The following PTPRU variants were observed in gnomAD, a reference collection of about 807,000 sequenced individuals.
PTPRU encodes the protein protein tyrosine phosphatase receptor type U.
PTPRU carries 69 observed loss-of-function variants against 166.3 expected under a neutral mutation model. The observed-to-expected ratio is 0.41, with a 90% CI of 0.34 to 0.51. PTPRU has a LOEUF of 0.51. Among genes scored for constraint, PTPRU ranks in the 20% least tolerant of loss-of-function variants. PTPRU has a pLI of 0.09. For synonymous variants in PTPRU, 793 were observed against 814.0 expected (o/e 0.97, Z 0.44); for missense variants, 1,657 against 2,013.7 (o/e 0.82, Z 3.39).
intron 13 of PTPRU, 127 bp from the exon 14 acceptor site, chr1:29,284,604 G>A: frequency 7.5e-7 from 1 of 1,325,452 alleles, no homozygotes. Flanking sequence ...TCAAAAGGCA[G>A]GACACACATT....
rs5773239 is a variant in PTPRU at position 29,257,966 on chromosome 1, A to ATT, written c.206-530_206-529dup. 3.7e-4 allele frequency among the ~76,000 whole-genome samples: 56 copies of ATT among 150,368 alleles called. No homozygotes were observed. Among genetic ancestry groups the ATT allele is most frequent in the Middle Eastern group, 3.4e-3 (1 of 292 alleles). ...GACCTGTAGATTGTAAGGAGCCATA[A>ATT]TTTTTTTTTTCTTTTTGAGACCGAG... On this transcript the variant is annotated intron_variant, in intron 2 of 29. Coordinates refer to ENST00000373779, the MANE Select transcript of PTPRU (RefSeq NM_133178.4). The surrounding 1 kb of genome is among the most constrained non-coding windows in gnomAD (Gnocchi z 4.6).
intron 7 of PTPRU, among the ~76,000 whole-genome samples, chr1:29,273,558 C>G (rs1232784340): frequency 3.3e-5 from 5 of 152,066 alleles, no homozygotes; most frequent in Non-Finnish European, 5.9e-5. Context: ...TGTGAGCCAC[C>G]ACGCCTGGCC....
intron 7 of PTPRU, among the ~76,000 whole-genome samples, chr1:29,267,085 C>A (rs1449727328): frequency 3.0e-4 from 46 of 152,108 alleles, no homozygotes; most frequent in Admixed American, 2.9e-3. Flanking sequence ...CAATAATTAG[C>A]TGAATGTGGT....
intron 15 of PTPRU, among the ~76,000 whole-genome samples, chr1:29,301,058 G>A (rs1041107567): frequency 1.3e-5 from 2 of 152,130 alleles, no homozygotes; most frequent in African/African-American, 4.8e-5. Context: ...CACAGGGAGT[G>A]GGGGCAGGTT....
At chr1:29,240,236 G>T (rs1683982025) in intron 1 of PTPRU, among the ~76,000 whole-genome samples, 1 of 152,264 alleles carries the variant, frequency 6.6e-6, no homozygotes, top group South Asian at 2.1e-4. Context: ...AAGTCGGGGG[G>T]TGGGGGTCAA....
At chr1:29,289,884 C>T (rs1686544024) in intron 14 of PTPRU, among the ~76,000 whole-genome samples, 2 of 152,140 alleles carry the variant, frequency 1.3e-5, no homozygotes, top group Non-Finnish European at 2.9e-5. Context: ...CTGTCCTTCC[C>T]CTCTGCATCT....
Position 29,279,404 on chromosome 1 carries a change from CA to C in PTPRU, c.1564-51del. On this transcript the variant is annotated intron_variant, in intron 9 of 29. Coordinates refer to ENST00000373779, the MANE Select transcript of PTPRU (RefSeq NM_133178.4). This position sits in a 1 kb window ranked among gnomAD's most constrained non-coding sequence, Gnocchi z 5.2. ...GACATGGTGGGTGGAGGCTGCTGGT[CA>C]GGGATGCTCTGACCATCCAGTGCCC... 6.5e-7 allele frequency: 1 copy of C among 1,549,342 alleles called. No individual in the cohort carries two copies. The highest frequency in any genetic ancestry group is 1.7e-5 in the Admixed American group (1 of 59,896).
chr1:29,283,357 A>G (rs1296397839), intron 12 of PTPRU, among the ~76,000 whole-genome samples: 1 of 69,684 alleles, frequency 1.4e-5, no homozygotes, highest in Admixed American at 1.9e-4. Flanking sequence ...TCCCATAGCC[A>G]GCCCTCCTGA....
intron 14 of PTPRU, among the ~76,000 whole-genome samples, chr1:29,289,444 C>T (rs1434320799): frequency 1.3e-5 from 2 of 152,220 alleles, no homozygotes; most frequent in East Asian, 1.9e-4. Flanking sequence ...GTCCTTTTCC[C>T]ACCTCCTCCT....
intron 5 of PTPRU, 51 bp from the exon 6 acceptor site, chr1:29,259,818 CG>C (rs2151945222): frequency 6.8e-7 from 1 of 1,479,036 alleles, no homozygotes; most frequent in East Asian, 2.5e-5. Context: ...AGAGCGAGAT[CG>C]GGACCCCTCG....
chr1:29,237,409 T>G lies in PTPRU; in HGVS notation c.73+692T>G, dbSNP rs1478017814. On this transcript the variant is annotated intron_variant, in intron 1 of 29. Transcript: ENST00000373779. The surrounding 1 kb of genome is among the most constrained non-coding windows in gnomAD (Gnocchi z 6.4). ...CCGGGAATGCGTGTGTGGGAGCGAGTCTGGAACGGATGTGAGTGTGTGCGA... is the reference window on the plus strand; with the variant it reads ...CCGGGAATGCGTGTGTGGGAGCGAGGCTGGAACGGATGTGAGTGTGTGCGA... Among the ~76,000 whole-genome samples, 1 of 151,638 alleles carries G rather than the reference T, an allele frequency of 6.6e-6. No homozygotes were observed. Among genetic ancestry groups the G allele is most frequent in the Non-Finnish European group, 1.5e-5 (1 of 67,906 alleles).
At chr1:29,313,021 GCTTT>G (rs1374992564) in intron 22 of PTPRU, among the ~76,000 whole-genome samples, 1 of 152,198 alleles carries the variant, frequency 6.6e-6, no homozygotes, top group African/African-American at 2.4e-5. Context: ...TCAGTAAGCA[GCTTT>G]TTGTTGCACA....
intron 18 of PTPRU, among the ~76,000 whole-genome samples, chr1:29,309,914 G>A (rs960138968): frequency 2.0e-5 from 3 of 152,272 alleles, no homozygotes; most frequent in East Asian, 1.9e-4. Context: ...TCCCCTTTCC[G>A]CATTGCCCGC....
At position 29,317,771 on chromosome 1, in the gene PTPRU, G is replaced by T. The variant is rs369271634; in HGVS notation, c.3537G>T (p.Pro1179=). 6.2e-6 allele frequency: 10 copies of T among 1,610,914 alleles called. No homozygotes were observed. The South Asian group carries it at 8.8e-5, about 14-fold the overall frequency. The change falls in exon 25 of 30, where the codon CCG becomes CCT. Residue 1179 remains proline (P), a synonymous_variant. Transcript: ENST00000373779. The surrounding 1 kb of genome is among the most constrained non-coding windows in gnomAD (Gnocchi z 5.6). Reference sequence around the variant, plus strand: ...AGACGCTGAACTCGGTCACCCCGCCGCTGGACGTGGAGGAGTGCAGCATCG... The same window carrying T: ...AGACGCTGAACTCGGTCACCCCGCCTCTGGACGTGGAGGAGTGCAGCATCG... ...EFQTLNSVTP[P]LDVEECSIAL... is the part of the protein sequence containing the mutation.
chr1:29,305,736 C>A, intron 18 of PTPRU: 2 of 538,630 alleles, frequency 3.7e-6, no homozygotes, highest in East Asian at 4.7e-5. Flanking sequence ...ATGGGATTCT[C>A]ATCGTGCACC....
At chr1:29,261,103 C>T (rs1685045340) in intron 7 of PTPRU, among the ~76,000 whole-genome samples, 200 bp downstream of exon 7, 1 of 152,190 alleles carries the variant, frequency 6.6e-6, no homozygotes, top group African/African-American at 2.4e-5. Flanking sequence ...TGTGTAGACA[C>T]ACACACAAAC....
At chr1:29,319,765 C>A (rs1225173846) in intron 25 of PTPRU, among the ~76,000 whole-genome samples, 1 of 152,098 alleles carries the variant, frequency 6.6e-6, no homozygotes, top group Non-Finnish European at 1.5e-5. Context: ...CAGACAAAGA[C>A]CAGGGTCATG....
chr1:29,275,835 G>T, intron 8 of PTPRU, 79 bp downstream of exon 8: 1 of 1,475,694 alleles, frequency 6.8e-7, no homozygotes, highest in South Asian at 1.3e-5. Context: ...AATTTACTGA[G>T]GGTATTTTTT....
intron 15 of PTPRU, among the ~76,000 whole-genome samples, chr1:29,303,327 C>T (rs574144073): frequency 1.4e-4 from 22 of 152,326 alleles, no homozygotes; most frequent in African/African-American, 5.1e-4. Context: ...TGGCTGCGGC[C>T]CCGCACAGGC....
Sources: gnomAD v4.1 joint callset for allele counts (sites outside exome capture counted in the v4.1 genomes callset) on GRCh38, gnomAD v4.1.1 for gene constraint, Gnocchi (gnomAD v3.1) non-coding constraint, MANE v1.5 for transcripts, NCBI Gene and HGNC (gene_info 2026-07-23, HGNC 2026-07-21) for gene names.